The following WDR4 variants were observed in gnomAD, a reference collection of about 807,000 sequenced individuals.
WDR4 encodes the protein WDR4 tRNA N7-guanosine methyltransferase non-catalytic subunit.
Under a neutral mutation model 48.6 loss-of-function variants are expected in WDR4, and 47 were observed. That is an observed-to-expected ratio of 0.97 (90% CI 0.77 to 1.23). WDR4 has a LOEUF of 1.23. Ranked by LOEUF, WDR4 falls within the 50% of genes most tolerant of loss-of-function variation. The pLI, the probability that WDR4 is intolerant of heterozygous loss-of-function variation, is 0.00. For synonymous variants in WDR4, 268 were observed against 230.0 expected (o/e 1.17, Z -1.49); for missense variants, 606 against 551.6 (o/e 1.10, Z -0.99).
chr21:42,870,364 A>G (rs767465765), intron 3 of WDR4, among the ~76,000 whole-genome samples: 9 of 152,160 alleles, frequency 5.9e-5, no homozygotes, highest in Non-Finnish European at 1.2e-4. Flanking sequence ...ACAAAGAAAG[A>G]AAGAAATCAC....
intron 6 of WDR4, among the ~76,000 whole-genome samples, chr21:42,859,334 G>C (rs1213720611): frequency 6.6e-6 from 1 of 152,194 alleles, no homozygotes; most frequent in Non-Finnish European, 1.5e-5. Context: ...CCAAGAGTCA[G>C]AGAAGCCCCC....
chr21:42,849,022 C>T (rs1263616713), downstream of WDR4, among the ~76,000 whole-genome samples: 1 of 140,050 alleles, frequency 7.1e-6, no homozygotes, highest in African/African-American at 2.7e-5. Context: ...GATCACACCG[C>T]GCACCTCACA....
At chr21:42,880,934 C>CTTTT (rs33934531), upstream of WDR4, among the ~76,000 whole-genome samples, 1 of 143,198 alleles carries the variant, frequency 7.0e-6, no homozygotes, top group Non-Finnish European at 1.5e-5. Flanking sequence ...TCCCACTAGT[C>CTTTT]TTTTTTTTTT....
downstream of WDR4, among the ~76,000 whole-genome samples, chr21:42,847,078 A>C (rs1416910562): frequency 6.6e-6 from 1 of 152,172 alleles, no homozygotes; most frequent in Non-Finnish European, 1.5e-5. Context: ...TTTCTTCATC[A>C]ATTAAAGAGG....
At chr21:42,843,986 A>G (rs2057688788) in intron 11 of WDR4, among the ~76,000 whole-genome samples, 1 of 152,228 alleles carries the variant, frequency 6.6e-6, no homozygotes. Context: ...CCGCCAGCCT[A>G]GCTGGAAGAC....
chr21:42,863,969 T>C lies in WDR4; in HGVS notation c.297-373A>G, dbSNP rs1217113163. On this transcript the variant is annotated intron_variant, in intron 3 of 10. Coordinates refer to ENST00000398208, the MANE Select transcript of WDR4 (RefSeq NM_018669.6). The stretch of plus-strand genomic sequence containing the variant: ...AAAAATACAAAAAATTAGCCAGGCG[T>C]GGTGGCGGGCGCCTGTAGTCCCAGC... Among the ~76,000 whole-genome samples, 2 of 81,570 alleles carry C rather than the reference T, an allele frequency of 2.5e-5. 1 individual carries two copies. Among genetic ancestry groups the C allele is most frequent in the East Asian group, 4.6e-4 (2 of 4,340 alleles). 53.5% of individuals were successfully genotyped at this position (81,570 alleles called of 152,430 possible).
the WDR4 span, among the ~76,000 whole-genome samples, chr21:42,887,203 G>A: frequency 2.6e-5 from 4 of 152,104 alleles, no homozygotes; most frequent in Non-Finnish European, 5.9e-5. Flanking sequence ...TGTTGGTCAG[G>A]CTGGTCTAGA....
chr21:42,859,400 C>T (rs1402952618), intron 6 of WDR4, among the ~76,000 whole-genome samples: 4 of 152,186 alleles, frequency 2.6e-5, no homozygotes, highest in African/African-American at 4.8e-5. Flanking sequence ...ATGCAGCAGC[C>T]GCCCTCAGAA....
the WDR4 span, among the ~76,000 whole-genome samples, chr21:42,885,619 T>C: frequency 6.6e-6 from 1 of 151,502 alleles, no homozygotes; most frequent in Non-Finnish European, 1.5e-5. Flanking sequence ...AAAAAAAATA[T>C]ATAGATAGAT....
At chr21:42,864,175 G>A (rs574012176) in intron 3 of WDR4, among the ~76,000 whole-genome samples, 2 of 150,426 alleles carry the variant, frequency 1.3e-5, no homozygotes, top group South Asian at 2.1e-4. Flanking sequence ...CTAGGTGGTG[G>A]ATAAATGCGT....
downstream of WDR4, among the ~76,000 whole-genome samples, chr21:42,845,263 C>T (rs1014413235): frequency 6.6e-6 from 1 of 152,208 alleles, no homozygotes; most frequent in Non-Finnish European, 1.5e-5. Context: ...GAGGAAAACC[C>T]TAAATGTTTG....
chr21:42,847,890 T>G (rs1279546021), downstream of WDR4, among the ~76,000 whole-genome samples: 1 of 152,178 alleles, frequency 6.6e-6, no homozygotes, highest in Non-Finnish European at 1.5e-5. Context: ...AAACCAAGAC[T>G]TTCAAAGCAG....
exon 12 of WDR4, chr21:42,843,189 G>C (rs1237209997): frequency 1.3e-5 from 2 of 152,146 alleles, no homozygotes; most frequent in Non-Finnish European, 2.9e-5. Flanking sequence ...TTACGATGGA[G>C]CTACATCCGA....
chr21:42,877,960 G>A (rs549838433), intron 1 of WDR4, among the ~76,000 whole-genome samples: 3 of 151,286 alleles, frequency 2.0e-5, no homozygotes, highest in African/African-American at 7.3e-5. Flanking sequence ...CAGGAGAATG[G>A]CGTGAACCCG....
At chr21:42,872,554 T>A (rs1048684651) in intron 3 of WDR4, among the ~76,000 whole-genome samples, 7 of 146,574 alleles carry the variant, frequency 4.8e-5, no homozygotes, top group African/African-American at 7.6e-5. Context: ...GAGGCTGTAG[T>A]GAGCCAAGAT....
At chr21:42,878,259 G>GT (rs2058546787) in intron 1 of WDR4, among the ~76,000 whole-genome samples, 1 of 151,986 alleles carries the variant, frequency 6.6e-6, no homozygotes, top group African/African-American at 2.4e-5. Context: ...CCCCTGGCAC[G>GT]TATCTTGTAC....
rs774199021 is a variant in WDR4 at position 42,854,553 on chromosome 21, G to A, written c.791+9C>T. ...AACCGGAGGCCATAGAGGTGCCGCCGCAGCTTACCCGTCGCACAGGAGCGC... is the reference window on the plus strand; with the variant it reads ...AACCGGAGGCCATAGAGGTGCCGCCACAGCTTACCCGTCGCACAGGAGCGC... On this transcript the variant is annotated intron_variant, in intron 8 of 10. Coordinates refer to ENST00000398208, the MANE Select transcript of WDR4 (RefSeq NM_018669.6). The A allele has an allele frequency of 4.2e-5, 67 of 1,612,140 alleles. 1 individual carries two copies. The South Asian group carries it at 4.4e-4, about 11-fold the overall frequency.
chr21:42,879,907 C>G, upstream of WDR4: 1 of 398,796 alleles, frequency 2.5e-6, no homozygotes, highest in East Asian at 3.6e-5. Flanking sequence ...GGGGCCGTGG[C>G]TCACATGAAG....
At chr21:42,853,473 G>C in intron 9 of WDR4, 96 bp downstream of exon 9, 6 of 1,371,002 alleles carry the variant, frequency 4.4e-6, no homozygotes, top group Non-Finnish European at 5.9e-6. Flanking sequence ...GTTGAAAGAG[G>C]CTTACCCATG....
Sources: allele counts gnomAD v4.1 joint callset (sites outside exome capture counted in the v4.1 genomes callset), GRCh38; gene constraint gnomAD v4.1.1; transcripts MANE v1.5; gene names NCBI Gene and HGNC (gene_info 2026-07-23, HGNC 2026-07-21).